The following DOCK11 variants were observed in gnomAD, a reference collection of about 807,000 sequenced individuals.
DOCK11 encodes dedicator of cytokinesis 11.
Under a neutral mutation model 169.1 loss-of-function variants are expected in DOCK11, and 70 were observed. That is an observed-to-expected ratio of 0.41 (90% CI 0.34 to 0.51). The LOEUF is 0.51. DOCK11 is among the 20% of genes least tolerant of loss of function. DOCK11 has a pLI of 0.10. For missense variants in DOCK11, 1,166 were observed against 1,538.8 expected, an observed-to-expected ratio of 0.76 and a Z score of 4.05; for synonymous variants, 529 against 541.3, an observed-to-expected ratio of 0.98 and a Z score of 0.32.
At chrX:118,506,573 T>C (rs1441952285) in intron 1 of DOCK11, among the ~76,000 whole-genome samples, 1 of 109,620 alleles carries the variant, frequency 9.1e-6, no homozygotes, top group African/African-American at 3.3e-5. Flanking sequence ...GGCTGAGGCA[T>C]GAGAATCACT....
intron 1 of DOCK11, among the ~76,000 whole-genome samples, chrX:118,498,634 T>A (rs1007546402): frequency 8.9e-6 from 1 of 112,172 alleles, no homozygotes; most frequent in Admixed American, 9.5e-5. Flanking sequence ...ATACTCACAT[T>A]GGGGCTTCAA....
chrX:118,509,043 G>A (rs1244243945), intron 1 of DOCK11, among the ~76,000 whole-genome samples: 1 of 111,695 alleles, frequency 9.0e-6, no homozygotes, highest in Non-Finnish European at 1.9e-5. Context: ...AACTGGATTT[G>A]GATCTTCTTG....
chrX:118,499,980 T>TA (rs1488414366), intron 1 of DOCK11, among the ~76,000 whole-genome samples: 1 of 111,374 alleles, frequency 9.0e-6, no homozygotes, highest in Non-Finnish European at 1.9e-5. Flanking sequence ...ACTAACATGT[T>TA]AAAAAATTCT....
At chrX:118,662,536 A>G in intron 44 of DOCK11, 150 bp from the exon 45 acceptor site, 4 of 403,951 alleles carry the variant, frequency 9.9e-6, no homozygotes, top group Non-Finnish European at 1.3e-5. Flanking sequence ...AAACAAATTT[A>G]AAAATTTTTG....
intron 28 of DOCK11, among the ~76,000 whole-genome samples, chrX:118,614,193 C>T (rs1359788797): frequency 1.8e-5 from 2 of 111,326 alleles, no homozygotes; most frequent in Non-Finnish European, 3.8e-5. Flanking sequence ...AGGTTTTATG[C>T]TTTGACTTCA....
chrX:118,586,286 A>G (rs1161639186), intron 16 of DOCK11, among the ~76,000 whole-genome samples: 2 of 111,674 alleles, frequency 1.8e-5, no homozygotes, highest in African/African-American at 6.5e-5. Context: ...TGGGTAATTT[A>G]TAAAGGAGAG....
chrX:118,614,844 C>A, intron 29 of DOCK11, 69 bp downstream of exon 29: 1 of 766,872 alleles, frequency 1.3e-6, no homozygotes, highest in Non-Finnish European at 2.0e-6. Context: ...GACATTTATT[C>A]TCTTCTAGGG....
rs1385192219 is a variant in DOCK11, at chrX:118,654,927, A to G, written c.4935A>G (p.Val1645=). 8.3e-7 allele frequency: 1 copy of G among 1,209,457 alleles called. No homozygotes were observed. Residue 1645 remains valine, a synonymous_variant, in exon 44 of 53, where the codon GTA becomes GTG. Transcript: ENST00000276202. ...FSEAAMCYVH[V]AALVAEFLHR... ...AGGCTGCGATGTGTTATGTCCATGT[A>G]GCAGCTCTAGTTGCAGAGTTTCTTC...
intron 1 of DOCK11, among the ~76,000 whole-genome samples, chrX:118,524,528 A>G (rs2011330181): frequency 8.9e-6 from 1 of 111,801 alleles, no homozygotes; most frequent in Admixed American, 9.5e-5. Context: ...AAGAACTCCT[A>G]TAATGCAACA....
chrX:118,684,878 A>G (rs1311953583), intron 52 of DOCK11, among the ~76,000 whole-genome samples: 2 of 111,863 alleles, frequency 1.8e-5, no homozygotes, highest in African/African-American at 3.2e-5. Flanking sequence ...CAATACTGCC[A>G]CTATAGATCA....
chrX:118,619,249 G>A (rs1314225177), intron 31 of DOCK11, among the ~76,000 whole-genome samples: 1 of 107,185 alleles, frequency 9.3e-6, no homozygotes. Context: ...TGAGGTGGGT[G>A]GATCGCTTGA....
chrX:118,502,393 T>C (rs35756821), intron 1 of DOCK11, among the ~76,000 whole-genome samples: 18,844 of 111,532 alleles, frequency 0.17, 1,201 homozygotes, highest in African/African-American at 0.22. Flanking sequence ...ACCATGTCAT[T>C]TTAAAATTCA....
In DOCK11 at chrX:118,650,704, C is replaced by G. The variant is rs144687026; in HGVS notation, c.4582-1260C>G. 6.6e-3 allele frequency among the ~76,000 whole-genome samples: 737 copies of G among 111,696 alleles called. 5 individuals are homozygous for G. Among genetic ancestry groups the G allele is most frequent in the Non-Finnish European group, 0.011 (558 of 53,121 alleles). Reference sequence around the variant, plus strand: ...CTAGAACATTGTTCTAATTTGTGTGCCAATATACCTGAAATTCCCCCATTG... The same window carrying G: ...CTAGAACATTGTTCTAATTTGTGTGGCAATATACCTGAAATTCCCCCATTG... On this transcript the variant is annotated intron_variant, in intron 41 of 52. Coordinates refer to ENST00000276202, the MANE Select transcript of DOCK11 (RefSeq NM_144658.4).
intron 14 of DOCK11, among the ~76,000 whole-genome samples, chrX:118,581,668 G>T (rs2013639892): frequency 9.3e-6 from 1 of 107,425 alleles, no homozygotes; most frequent in Non-Finnish European, 1.9e-5. Flanking sequence ...GCTGGGCATG[G>T]TGGCGTGCAC....
intron 44 of DOCK11, among the ~76,000 whole-genome samples, chrX:118,657,664 G>A (rs1049236422): frequency 6.3e-5 from 7 of 111,496 alleles, no homozygotes; most frequent in Non-Finnish European, 1.1e-4. Flanking sequence ...TAGCTATACC[G>A]AGGTCGACTA....
rs1269373292 is a variant in DOCK11 at position 118,516,018 on chromosome X, T to TATATATATAC, written c.102+19946_102+19947insTATATATACA. ...GGATTTGGGCAAATATATATATATA[T>TATATATATAC]ACATTCTTACACCAGAAAACTGTGC... On this transcript the variant is annotated intron_variant, in intron 1 of 52. Coordinates refer to ENST00000276202, the MANE Select transcript of DOCK11 (RefSeq NM_144658.4). 1.4e-4 allele frequency among the ~76,000 whole-genome samples: 11 copies of TATATATATAC among 81,475 alleles called. 3 individuals carry two copies. The highest frequency in any genetic ancestry group is 5.8e-4 in the African/African-American group (11 of 19,119). 70.8% of individuals were successfully genotyped at this position (81,475 alleles called of 115,157 possible). A position where few individuals can be genotyped will look rare whatever the true frequency, so the allele number is the denominator to read the frequency against.
chrX:118,685,241 T>C (rs1168139242), intron 52 of DOCK11, among the ~76,000 whole-genome samples: 4 of 111,887 alleles, frequency 3.6e-5, no homozygotes, highest in Non-Finnish European at 7.5e-5. Context: ...ACTTTTATCT[T>C]CATTTACTAT....
At chrX:118,635,606 G>T (rs893028949) in intron 35 of DOCK11, among the ~76,000 whole-genome samples, 46 of 110,913 alleles carry the variant, frequency 4.1e-4, no homozygotes, top group African/African-American at 1.3e-3. Flanking sequence ...TATTTTTTTT[G>T]AGACGGAGTC....
At chrX:118,605,130 A>T in intron 23 of DOCK11, 108 bp from the exon 24 acceptor site, 1 of 486,789 alleles carries the variant, frequency 2.1e-6, no homozygotes, top group Non-Finnish European at 3.5e-6. Flanking sequence ...AATTGAGCTT[A>T]TATGCTAGTC....
Sources: gnomAD v4.1 joint callset for allele counts (sites outside exome capture counted in the v4.1 genomes callset) on GRCh38, gnomAD v4.1.1 for gene constraint, MANE v1.5 for transcripts, NCBI Gene and HGNC (gene_info 2026-07-23, HGNC 2026-07-21) for gene names.